The following MTFR1 variants were observed in gnomAD, a reference collection of about 807,000 sequenced individuals.
The protein encoded by MTFR1 is mitochondrial fission regulator 1, also known as chondrocyte protein with a poly-proline region.
In MTFR1, 28 loss-of-function variants were observed where a neutral mutation model predicts 38.8. The observed-to-expected ratio is 0.72, with a 90% CI of 0.53 to 0.99. The LOEUF is 0.99. Ranked by LOEUF, MTFR1 falls within the 50% of genes least tolerant of loss-of-function variation. The probability of loss-of-function intolerance (pLI) is 0.00; values close to 1 mark genes in which losing one functional copy is unlikely to be tolerated. For missense variants in MTFR1, 358 were observed against 395.5 expected (o/e 0.91, Z 0.81); for synonymous variants, 145 against 137.0 (o/e 1.06, Z -0.41).
intron 3 of MTFR1, chr8:65,723,567 G>T: frequency 6.3e-7 from 1 of 1,583,048 alleles, no homozygotes; most frequent in South Asian, 1.2e-5. Flanking sequence ...AATAGATTCA[G>T]TGTGACGATC....
At position 65,707,836 on chromosome 8, in the gene MTFR1, C is replaced by T; in HGVS notation, c.765-7C>T. On this transcript the variant is annotated splice_region_variant and splice_polypyrimidine_tract_variant and intron_variant, in intron 6 of 7. Transcript: ENST00000262146. ...CTGTCCCCTTGGTTTGTGTTCACTT[C>T]TCTAAGGTCAGAGCAAGATGTGAAG... is the stretch of plus-strand genomic sequence containing the variant. 4 of 1,612,968 alleles carry T rather than the reference C, an allele frequency of 2.5e-6. No homozygotes were observed. The highest frequency in any genetic ancestry group is 3.4e-6 in the Non-Finnish European group (4 of 1,179,360).
intron 3 of MTFR1, among the ~76,000 whole-genome samples, chr8:65,734,178 A>T (rs1465898785): frequency 1.3e-5 from 2 of 152,042 alleles, no homozygotes; most frequent in African/African-American, 4.8e-5. Flanking sequence ...TCTGCTCTAC[A>T]TTCCTCCTCT....
At chr8:65,729,626 C>T (rs183037378) in intron 3 of MTFR1, among the ~76,000 whole-genome samples, 5 of 151,988 alleles carry the variant, frequency 3.3e-5, no homozygotes, top group Admixed American at 2.6e-4. Flanking sequence ...TGCAGTGGTG[C>T]GATCTCGGCT....
chr8:65,730,458 G>A (rs907224927), intron 3 of MTFR1, among the ~76,000 whole-genome samples: 1 of 151,888 alleles, frequency 6.6e-6, no homozygotes, highest in African/African-American at 2.4e-5. Flanking sequence ...GGGATTACAG[G>A]TGTGAGCCAC....
intron 3 of MTFR1, among the ~76,000 whole-genome samples, chr8:65,688,451 CTT>C (rs199865141): frequency 0.044 from 5,799 of 130,414 alleles, 171 homozygotes; most frequent in Non-Finnish European, 0.065. Context: ...TTTTTCTTTT[CTT>C]TTTTTTTTTT....
intron 3 of MTFR1, among the ~76,000 whole-genome samples, chr8:65,741,952 C>G (rs1446192265): frequency 6.6e-6 from 1 of 152,142 alleles, no homozygotes; most frequent in Non-Finnish European, 1.5e-5. Flanking sequence ...CCAAAGGAAT[C>G]TGACAAGAAT....
chr8:65,699,983 A>G (rs969564579), intron 4 of MTFR1, among the ~76,000 whole-genome samples: 3 of 152,232 alleles, frequency 2.0e-5, no homozygotes, highest in Non-Finnish European at 4.4e-5. Flanking sequence ...CAGGATACAT[A>G]TGAGTCTTTC....
chr8:65,732,700 A>G (rs1325754544), intron 3 of MTFR1, among the ~76,000 whole-genome samples: 5 of 152,140 alleles, frequency 3.3e-5, no homozygotes, highest in Non-Finnish European at 7.4e-5. Flanking sequence ...TTTTGTAGAG[A>G]TGGGATCTTG....
At chr8:65,727,085 A>C (rs1806642521) in intron 3 of MTFR1, 1 of 1,038,828 alleles carries the variant, frequency 9.6e-7, no homozygotes, top group Non-Finnish European at 1.5e-6. Flanking sequence ...TTGAGAATTT[A>C]TTTTCATTAC....
At chr8:65,675,536 T>C (rs1171431849) in intron 2 of MTFR1, among the ~76,000 whole-genome samples, 6 of 151,664 alleles carry the variant, frequency 4.0e-5, no homozygotes, top group African/African-American at 1.5e-4. Flanking sequence ...GAGGCAGAGC[T>C]TGCAGTGAGC....
chr8:65,740,744 A>T (rs2128902086), intron 3 of MTFR1, among the ~76,000 whole-genome samples: 1 of 152,244 alleles, frequency 6.6e-6, no homozygotes, highest in Admixed American at 6.5e-5. Flanking sequence ...ACACCTCCTC[A>T]GAGATATTCC....
Position 65,707,052 on chromosome 8 carries a change from C to T in MTFR1, c.560C>T (p.Pro187Leu). The change falls in exon 6 of 8, where the codon CCT (proline) becomes CTT (leucine). Residue 187 changes from proline to leucine, a missense_variant. By Grantham distance (98) the Pro-to-Leu change is moderately conservative. Transcript: ENST00000262146. ...ACATTTGGTACCATACCACCACACC[C>T]TCCACCTCCCCCACCGCCCCTGCCT... is the stretch of plus-strand genomic sequence containing the variant. Reference protein sequence around the residue: ...STTFGTIPPHPPPPPPPLPPP... With the variant: ...STTFGTIPPHLPPPPPPLPPP... 1.2e-6 allele frequency: 2 copies of T among 1,611,232 alleles called. No individual in the cohort carries two copies. The highest frequency in any genetic ancestry group is 1.7e-6 in the Non-Finnish European group (2 of 1,178,172).
At chr8:65,679,160 C>T (rs547419390) in intron 2 of MTFR1, among the ~76,000 whole-genome samples, 11 of 152,270 alleles carry the variant, frequency 7.2e-5, no homozygotes, top group South Asian at 2.1e-4. Context: ...CTAATTGTCA[C>T]GTTGTAATGC....
intron 2 of MTFR1, among the ~76,000 whole-genome samples, chr8:65,671,290 TG>T (rs1460788554): frequency 8.5e-5 from 13 of 152,250 alleles, no homozygotes; most frequent in South Asian, 8.3e-4. Context: ...CCCAGCACTT[TG>T]GGAGACAGAG....
In MTFR1 at chr8:65,665,375, A is replaced by C. The variant is rs1016300073; in HGVS notation, c.-80-4498A>C. Reference sequence around the variant, plus strand: ...GGCTCTCAGAGGATTCATTTATAAAACTGATAATAGATCCTGGTAACATTA... The same window carrying C: ...GGCTCTCAGAGGATTCATTTATAAACCTGATAATAGATCCTGGTAACATTA... On this transcript the variant is annotated intron_variant, in intron 1 of 7. Transcript: ENST00000262146. Among the ~76,000 whole-genome samples the C allele has an allele frequency of 3.3e-5, 5 of 152,280 alleles. No individual in the cohort carries two copies. The South Asian group carries it at 1.0e-3, about 32-fold the overall frequency.
At chr8:65,655,229 C>A (rs1004066090) in intron 1 of MTFR1, among the ~76,000 whole-genome samples, 1 of 152,182 alleles carries the variant, frequency 6.6e-6, no homozygotes, top group Admixed American at 6.6e-5. Context: ...CTGTCTCTAA[C>A]TTCTTTTAAA....
chr8:65,669,750 C>A, intron 1 of MTFR1, 123 bp from the exon 2 acceptor site: 1 of 518,402 alleles, frequency 1.9e-6, no homozygotes, highest in South Asian at 2.7e-5. Flanking sequence ...GGGGTTTCTC[C>A]ATGTTGGTCA....
intron 2 of MTFR1, 70 bp downstream of exon 2, chr8:65,670,088 A>G: frequency 7.5e-7 from 1 of 1,331,804 alleles, no homozygotes; most frequent in Non-Finnish European, 1.0e-6. Flanking sequence ...TGAGAAAATG[A>G]AATAAATCTA....
chr8:65,695,404 T>C (rs1479885088), intron 4 of MTFR1, among the ~76,000 whole-genome samples: 1 of 152,128 alleles, frequency 6.6e-6, no homozygotes, highest in Admixed American at 6.5e-5. Context: ...CGAGTGAGGC[T>C]GGAGTGCAGT....
Sources: gnomAD v4.1 joint callset for allele counts (sites outside exome capture counted in the v4.1 genomes callset) on GRCh38, gnomAD v4.1.1 for gene constraint, MANE v1.5 for transcripts, NCBI Gene and HGNC (gene_info 2026-07-23, HGNC 2026-07-21) for gene names.